Variants in UBE2H observed in about 807,000 individuals in gnomAD.
UBE2H encodes ubiquitin-conjugating enzyme E2 H.
A neutral mutation model predicts 29.0 loss-of-function variants in UBE2H; 3 were observed. The ratio of observed to expected loss-of-function variants is 0.10; its 90% CI spans 0.05 to 0.27. The LOEUF (loss-of-function observed/expected upper bound fraction) is 0.27, where lower values mean the gene tolerates loss of function less well. UBE2H is among the 10% of genes least tolerant of loss of function. The pLI is 1.00. For synonymous variants in UBE2H, 69 were observed against 82.9 expected (o/e 0.83, Z 0.91); for missense variants, 68 against 228.2 (o/e 0.30, Z 4.52).
intron 1 of UBE2H, among the ~76,000 whole-genome samples, chr7:129,899,145 CTGTT>C (rs1806658863): frequency 6.6e-6 from 1 of 152,148 alleles, no homozygotes. Flanking sequence ...CTGTTGTCTG[CTGTT>C]TGTTTTGTTT....
chr7:129,930,506 T>C (rs893047602), intron 1 of UBE2H, among the ~76,000 whole-genome samples: 2 of 150,170 alleles, frequency 1.3e-5, no homozygotes. Context: ...CATGGTGACT[T>C]ACGCCTGTAA....
chr7:129,863,395 C>G (rs1805837237), intron 3 of UBE2H, among the ~76,000 whole-genome samples: 1 of 152,134 alleles, frequency 6.6e-6, no homozygotes, highest in South Asian at 2.1e-4. Flanking sequence ...AGTCACTTCA[C>G]CTTGTGGGGT....
rs201957627 is a variant in UBE2H at position 129,934,635 on chromosome 7, C to CT, written c.53+17867dup. ...CCTGGGCGACAGAGCAAGACTCCGT[C>CT]TTTAAAAAAAAAAAAAAAAAAAAAA... On this transcript the variant is annotated intron_variant, in intron 1 of 6. Coordinates refer to ENST00000355621, the MANE Select transcript of UBE2H (RefSeq NM_003344.4). 2.0e-3 allele frequency among the ~76,000 whole-genome samples: 204 copies of CT among 100,862 alleles called. 3 individuals are homozygous for CT. Among genetic ancestry groups the CT allele is most frequent in the East Asian group, 6.5e-3 (21 of 3,242 alleles). The allele number at this position is 100,862 out of a possible 152,430, so 66.2% of individuals were successfully genotyped here.
intron 1 of UBE2H, among the ~76,000 whole-genome samples, chr7:129,924,417 T>C (rs1296755996): frequency 6.6e-6 from 1 of 152,230 alleles, no homozygotes; most frequent in African/African-American, 2.4e-5. Context: ...TTTTCTACTT[T>C]GAACTTCTAA....
intron 1 of UBE2H, 78 bp downstream of exon 1, chr7:129,952,425 G>A (rs1807897206): frequency 1.3e-6 from 2 of 1,559,756 alleles, no homozygotes; most frequent in African/African-American, 1.4e-5. Context: ...CAGGGCCCTT[G>A]CAGTGGTTCC....
At chr7:129,879,483 G>T in intron 3 of UBE2H, 85 bp downstream of exon 3, 1 of 1,263,466 alleles carries the variant, frequency 7.9e-7, no homozygotes, top group Admixed American at 2.2e-5. Flanking sequence ...GCCATTTCTG[G>T]CATTAATTAC....
chr7:129,943,832 G>A (rs1807697261), intron 1 of UBE2H, among the ~76,000 whole-genome samples: 1 of 152,198 alleles, frequency 6.6e-6, no homozygotes, highest in Non-Finnish European at 1.5e-5. Flanking sequence ...AACTCAGGAG[G>A]CAGAGGTTGC....
intron 3 of UBE2H, chr7:129,865,135 G>A: frequency 2.7e-6 from 1 of 376,742 alleles, no homozygotes; most frequent in Non-Finnish European, 5.2e-6. Flanking sequence ...AAAAAGTACA[G>A]ATTACAACAG....
At chr7:129,835,105 G>C in intron 6 of UBE2H, 44 bp from the exon 7 acceptor site, 7 of 1,611,642 alleles carry the variant, frequency 4.3e-6, no homozygotes, top group Non-Finnish European at 5.9e-6. Context: ...TGAGTGGGCA[G>C]GCATGTGCTT....
At chr7:129,870,332 C>G (rs897499494) in intron 3 of UBE2H, among the ~76,000 whole-genome samples, 3 of 152,162 alleles carry the variant, frequency 2.0e-5, no homozygotes, top group Non-Finnish European at 4.4e-5. Flanking sequence ...AAATTAAAAA[C>G]AGGCCAGGCA....
chr7:129,913,086 A>G (rs1340020367), intron 1 of UBE2H, among the ~76,000 whole-genome samples: 1 of 152,018 alleles, frequency 6.6e-6, no homozygotes, highest in Non-Finnish European at 1.5e-5. Flanking sequence ...CCTCGTCTCT[A>G]CTAAAAATAC....
intron 1 of UBE2H, among the ~76,000 whole-genome samples, chr7:129,908,006 C>T (rs1409513680): frequency 6.6e-6 from 1 of 152,138 alleles, no homozygotes; most frequent in Non-Finnish European, 1.5e-5. Flanking sequence ...CCTCAGAAAT[C>T]AGCAAACATT....
At chr7:129,884,463 C>A (rs983217435) in intron 1 of UBE2H, among the ~76,000 whole-genome samples, 4 of 151,080 alleles carry the variant, frequency 2.6e-5, no homozygotes, top group Admixed American at 2.6e-4. Context: ...ATATGTTATT[C>A]TTTAATAAAA....
intron 1 of UBE2H, among the ~76,000 whole-genome samples, chr7:129,896,745 C>T (rs1403416452): frequency 6.6e-6 from 1 of 152,154 alleles, no homozygotes; most frequent in African/African-American, 2.4e-5. Context: ...TTTACTCTAA[C>T]TTGACATATA....
intron 3 of UBE2H, among the ~76,000 whole-genome samples, chr7:129,862,979 G>T (rs955128920): frequency 6.6e-6 from 1 of 152,160 alleles, no homozygotes; most frequent in Non-Finnish European, 1.5e-5. Flanking sequence ...AATCCTACAG[G>T]GCATTATGCT....
intron 1 of UBE2H, among the ~76,000 whole-genome samples, chr7:129,884,175 T>TG (rs1265359354): frequency 3.9e-5 from 6 of 152,106 alleles, no homozygotes; most frequent in Non-Finnish European, 7.3e-5. Flanking sequence ...CCCAACACTT[T>TG]GGGGGGCCGA....
intron 1 of UBE2H, among the ~76,000 whole-genome samples, chr7:129,932,773 CA>C (rs1208871059): frequency 0.012 from 390 of 33,218 alleles, 1 homozygote; most frequent in African/African-American, 0.041. Context: ...GACTCCGTCT[CA>C]AAAAAAAAAA....
At position 129,890,675 on chromosome 7, in the gene UBE2H, G is replaced by A. The variant is rs73161644; in HGVS notation, c.54-9704C>T. ...GCGTGAGCCACTGCGCCCAGCCAAC[G>A]GTGATACTATTAATGGCAAAGTGAA... On this transcript the variant is annotated intron_variant, in intron 1 of 6. Transcript: ENST00000355621. Among the ~76,000 whole-genome samples, 367 of 152,062 alleles carry A rather than the reference G, an allele frequency of 2.4e-3. 1 individual carries two copies. Among genetic ancestry groups the A allele is most frequent in the Non-Finnish European group, 4.0e-3 (272 of 67,972 alleles).
chr7:129,933,469 A>G (rs1222603748), intron 1 of UBE2H, among the ~76,000 whole-genome samples: 4 of 152,234 alleles, frequency 2.6e-5, no homozygotes, highest in Admixed American at 2.0e-4. Context: ...TCTTTCCCCA[A>G]TGCACAACCT....
Sources: allele counts gnomAD v4.1 joint callset (sites outside exome capture counted in the v4.1 genomes callset), GRCh38; gene constraint gnomAD v4.1.1; transcripts MANE v1.5; gene names NCBI Gene and HGNC (gene_info 2026-07-23, HGNC 2026-07-21).